Variants in EIF2B3 observed in about 807,000 individuals in gnomAD.
The protein encoded by EIF2B3 is translation initiation factor eIF2B subunit gamma.
EIF2B3 carries 20 observed loss-of-function variants against 54.1 expected under a neutral mutation model. That is an observed-to-expected ratio of 0.37 (90% CI 0.26 to 0.54). The LOEUF (loss-of-function observed/expected upper bound fraction) is 0.54. Ranked by LOEUF, EIF2B3 falls within the 20% of genes least tolerant of loss-of-function variation. The pLI is 0.86. For missense variants in EIF2B3, 448 were observed against 547.8 expected (o/e 0.82, Z 1.82); for synonymous variants, 153 against 188.1 (o/e 0.81, Z 1.52).
chr1:44,865,209 T>C (rs2148896522), intron 10 of EIF2B3, among the ~76,000 whole-genome samples: 1 of 108,532 alleles, frequency 9.2e-6, no homozygotes, highest in East Asian at 2.7e-4. Flanking sequence ...AGAGCGAGAC[T>C]CCATCTTAAA....
intron 5 of EIF2B3, among the ~76,000 whole-genome samples, chr1:44,902,829 T>TAAAAAAAA (rs11458839): frequency 2.3e-5 from 2 of 85,456 alleles, no homozygotes; most frequent in African/African-American, 3.8e-5. Flanking sequence ...ACTCTTTCTT[T>TAAAAAAAA]AAAAAAAAAA....
intron 5 of EIF2B3, among the ~76,000 whole-genome samples, chr1:44,907,784 G>T (rs196764): frequency 6.6e-6 from 1 of 150,502 alleles, no homozygotes; most frequent in Non-Finnish European, 1.5e-5. Flanking sequence ...CCAGCTACTC[G>T]GTGGCTAAGG....
At chr1:44,901,109 T>C (rs1643285305) in intron 5 of EIF2B3, among the ~76,000 whole-genome samples, 1 of 152,000 alleles carries the variant, frequency 6.6e-6, no homozygotes. Context: ...GCCTGGCTAA[T>C]TGAAAAAAAA....
Position 44,861,355 on chromosome 1 carries a change from C to T in EIF2B3, c.1203-3548G>A, listed in dbSNP as rs539887511. The stretch of plus-strand genomic sequence containing the variant: ...GGCTACTAGTTTATAATGGAAAAGT[C>T]TTATTTCTTTTTCCAAGGTGGTAGT... On this transcript the variant is annotated intron_variant, in intron 10 of 11. Coordinates refer to ENST00000360403, the MANE Select transcript of EIF2B3 (RefSeq NM_020365.5). Among the ~76,000 whole-genome samples the T allele has an allele frequency of 4.7e-4, 72 of 152,246 alleles. No individual in the cohort carries two copies. In the South Asian group the frequency reaches 0.013, roughly 28 times the overall value.
chr1:44,873,851 T>C (rs1655039000), intron 10 of EIF2B3, among the ~76,000 whole-genome samples: 1 of 151,422 alleles, frequency 6.6e-6, no homozygotes, highest in Non-Finnish European at 1.5e-5. Flanking sequence ...GGTTACACCA[T>C]GTTGGCCAGG....
intron 10 of EIF2B3, among the ~76,000 whole-genome samples, chr1:44,859,332 G>A (rs1182625280): frequency 6.6e-6 from 1 of 151,500 alleles, no homozygotes; most frequent in Non-Finnish European, 1.5e-5. Flanking sequence ...CTTAAAGACT[G>A]CCAGGTTGGA....
chr1:44,914,891 G>A (rs141547410), intron 5 of EIF2B3, among the ~76,000 whole-genome samples: 4 of 152,228 alleles, frequency 2.6e-5, no homozygotes, highest in Admixed American at 2.0e-4. Context: ...GGTTTCAACC[G>A]TGTTAGCCAG....
chr1:44,908,772 G>A (rs1163916092), intron 5 of EIF2B3, among the ~76,000 whole-genome samples: 1 of 152,186 alleles, frequency 6.6e-6, no homozygotes, highest in African/African-American at 2.4e-5. Flanking sequence ...AAGGTTCCAG[G>A]AGTGGCAGAA....
chr1:44,957,529 G>A (rs1207220917), intron 3 of EIF2B3, among the ~76,000 whole-genome samples: 2 of 152,124 alleles, frequency 1.3e-5, no homozygotes, highest in East Asian at 3.9e-4. Context: ...AGGAGGCAGA[G>A]GCAGGCAGAT....
intron 3 of EIF2B3, among the ~76,000 whole-genome samples, chr1:44,963,254 A>C (rs533607277): frequency 0.01 from 1,536 of 150,392 alleles, 17 homozygotes; most frequent in African/African-American, 0.028. Flanking sequence ...ACAAAAAAAA[A>C]CCCCAGAAAA....
intron 2 of EIF2B3, among the ~76,000 whole-genome samples, chr1:44,980,431 C>T (rs1038575897): frequency 2.0e-5 from 3 of 151,964 alleles, no homozygotes; most frequent in Non-Finnish European, 4.4e-5. Flanking sequence ...GAGCCAAGAT[C>T]GTGCCACTGC....
At chr1:44,907,230 G>A (rs770050119) in intron 5 of EIF2B3, among the ~76,000 whole-genome samples, 13 of 152,028 alleles carry the variant, frequency 8.6e-5, no homozygotes, top group African/African-American at 3.1e-4. Flanking sequence ...GTTATCTTTC[G>A]AAGGCAAATT....
rs760895452 is a variant in EIF2B3, at chr1:44,986,140, T to TTC, written c.-10+352_-10+353insGA. Among the ~76,000 whole-genome samples, 1,005 of 106,346 alleles carry TTC rather than the reference T, an allele frequency of 9.5e-3. 10 individuals are homozygous for TTC. Among genetic ancestry groups the TTC allele is most frequent in the African/African-American group, 0.028 (881 of 31,324 alleles). 69.8% of individuals were successfully genotyped at this position (106,346 alleles called of 152,430 possible). On this transcript the variant is annotated intron_variant, in intron 1 of 11. Transcript: ENST00000360403. The stretch of plus-strand genomic sequence containing the variant: ...ACTTCGTTTCTTTCTTTTCTTTTCT[T>TTC]TTTTTTTTTTTTTTTGAAACGGAGA...
chr1:44,980,050 T>C (rs1159281357), intron 2 of EIF2B3, among the ~76,000 whole-genome samples: 1 of 152,172 alleles, frequency 6.6e-6, no homozygotes, highest in Non-Finnish European at 1.5e-5. Flanking sequence ...GAATGAACAC[T>C]GGATCACAAG....
At chr1:44,978,293 G>T in intron 3 of EIF2B3, 22 bp downstream of exon 3, 1 of 1,613,240 alleles carries the variant, frequency 6.2e-7, no homozygotes, top group Non-Finnish European at 8.5e-7. Flanking sequence ...TAAACAAGAA[G>T]AGTCAAAAAA....
chr1:44,891,652 A>G (rs1655800783), intron 6 of EIF2B3, among the ~76,000 whole-genome samples: 1 of 152,228 alleles, frequency 6.6e-6, no homozygotes, highest in South Asian at 2.1e-4. Context: ...ACCTGAATAT[A>G]GTACTCATAA....
chr1:44,880,946 G>C lies in EIF2B3; in HGVS notation c.784+666C>G, dbSNP rs1040270589. Among the ~76,000 whole-genome samples the C allele has an allele frequency of 5.3e-5, 8 of 151,696 alleles. No homozygotes were observed. The East Asian group carries it at 1.6e-3, about 29-fold the overall frequency. ...ACTGCCCTCCAGCCTGGGCGACAGA[G>C]GGAGACTCCGTCTCAAAAAAATAAA... On this transcript the variant is annotated intron_variant, in intron 7 of 11. Transcript: ENST00000360403.
intron 4 of EIF2B3, among the ~76,000 whole-genome samples, chr1:44,934,372 T>C (rs1643924208): frequency 6.6e-6 from 1 of 152,124 alleles, no homozygotes; most frequent in South Asian, 2.1e-4. Flanking sequence ...CGATCTAGCC[T>C]GGGTGACAGA....
chr1:44,941,715 C>T (rs1205683961), intron 3 of EIF2B3, 50 bp from the exon 4 acceptor site: 1 of 1,603,556 alleles, frequency 6.2e-7, no homozygotes, highest in Non-Finnish European at 8.5e-7. Context: ...CAATGGATTA[C>T]ACAAATCATC....
Sources: allele counts gnomAD v4.1 joint callset (sites outside exome capture counted in the v4.1 genomes callset), GRCh38; gene constraint gnomAD v4.1.1; transcripts MANE v1.5; gene names NCBI Gene and HGNC (gene_info 2026-07-23, HGNC 2026-07-21).